Variants in ZNF875 observed in about 807,000 individuals in gnomAD.
The protein encoded by ZNF875 is zinc finger protein 875.
A neutral mutation model predicts 11.2 loss-of-function variants in ZNF875; 14 were observed. The ratio of observed to expected loss-of-function variants is 1.26; its 90% CI spans 0.83 to 1.96. The LOEUF is 1.96. ZNF875 is among the 30% of genes most tolerant of loss of function. The pLI is 0.00. For synonymous variants in ZNF875, 301 were observed against 281.1 expected, an observed-to-expected ratio of 1.07 and a Z score of -0.71; for missense variants, 752 against 760.4, an observed-to-expected ratio of 0.99 and a Z score of 0.13.
chr19:37,348,241 C>T (rs2037203492), intron 4 of ZNF875, among the ~76,000 whole-genome samples: 1 of 152,198 alleles, frequency 6.6e-6, no homozygotes, highest in Admixed American at 6.5e-5. Flanking sequence ...TTGATTAACT[C>T]CACCTCTCCA....
chr19:37,331,804 A>ACCCGT, upstream of ZNF875, among the ~76,000 whole-genome samples: 1 of 126,632 alleles, frequency 7.9e-6, no homozygotes, highest in Non-Finnish European at 1.8e-5. Context: ...CCAGCCCGAC[A>ACCCGT]CCCCCAGCCC....
chr19:37,318,965 C>A (rs113294184), intron 1 of ZNF875, among the ~76,000 whole-genome samples: 2 of 151,588 alleles, frequency 1.3e-5, no homozygotes, highest in African/African-American at 2.4e-5. Flanking sequence ...TTTTGGGGCA[C>A]GTATGTAGAG....
intron 2 of ZNF875, chr19:37,344,578 T>TA (rs2146203028): frequency 1.1e-6 from 1 of 941,594 alleles, no homozygotes; most frequent in Admixed American, 1.7e-5. Flanking sequence ...GCCTGTTGGT[T>TA]ACCATTCATT....
intron 4 of ZNF875, among the ~76,000 whole-genome samples, chr19:37,325,421 A>T (rs995377294): frequency 1.3e-5 from 2 of 152,242 alleles, no homozygotes; most frequent in African/African-American, 4.8e-5. Context: ...TAGATTTTCT[A>T]GTAGTCACTT....
chr19:37,314,639 A>G (rs933530776), upstream of ZNF875, among the ~76,000 whole-genome samples: 1 of 152,100 alleles, frequency 6.6e-6, no homozygotes, highest in Non-Finnish European at 1.5e-5. Flanking sequence ...ATTCTAGCCA[A>G]CATGGTGAAA....
intron 1 of ZNF875, among the ~76,000 whole-genome samples, chr19:37,321,654 A>T (rs1004930990): frequency 1.3e-5 from 2 of 152,132 alleles, no homozygotes; most frequent in Non-Finnish European, 2.9e-5. Context: ...AAACACCCTC[A>T]GGTGTGGAGG....
intron 2 of ZNF875, among the ~76,000 whole-genome samples, chr19:37,341,174 G>T (rs920505534): frequency 6.6e-6 from 1 of 152,140 alleles, no homozygotes; most frequent in African/African-American, 2.4e-5. Flanking sequence ...TAGTCACCAC[G>T]TATTTTTCAT....
At chr19:37,354,322 G>A (rs2038524735) in intron 4 of ZNF875, among the ~76,000 whole-genome samples, 1 of 133,888 alleles carries the variant, frequency 7.5e-6, no homozygotes, top group South Asian at 2.5e-4. Flanking sequence ...TCTCAGGCAA[G>A]AAAGCCACAA....
rs559231925 is a variant in ZNF875, at chr19:37,343,616, C to T, written c.34-3574C>T. On this transcript the variant is annotated intron_variant, in intron 2 of 4. Transcript: ENST00000392153. The stretch of plus-strand genomic sequence containing the variant: ...ATGTGGCCTCTTCAGCAGGCAAGCT[C>T]AGGTTATTCACATGGTGGTCTCAAG... 9.2e-5 allele frequency among the ~76,000 whole-genome samples: 14 copies of T among 152,188 alleles called. No homozygotes were observed. In the East Asian group the frequency reaches 2.1e-3, roughly 23 times the overall value.
At chr19:37,314,699 T>C (rs8107507), upstream of ZNF875, among the ~76,000 whole-genome samples, 98,303 of 146,686 alleles carry the variant, frequency 0.67, 33,530 homozygotes, top group African/African-American at 0.84. Flanking sequence ...TGCAGCGAGC[T>C]GAGATCGTGC....
chr19:37,322,005 G>C (rs948395605), intron 1 of ZNF875, among the ~76,000 whole-genome samples: 1 of 152,164 alleles, frequency 6.6e-6, no homozygotes, highest in Non-Finnish European at 1.5e-5. Flanking sequence ...AGACTCTCCC[G>C]TATGTTAGAA....
At chr19:37,313,666 C>T (rs1431807174), upstream of ZNF875, among the ~76,000 whole-genome samples, 3 of 152,142 alleles carry the variant, frequency 2.0e-5, no homozygotes, top group African/African-American at 7.2e-5. Context: ...ATGTATAGAA[C>T]CTCATCTCTT....
intron 4 of ZNF875, among the ~76,000 whole-genome samples, chr19:37,358,375 T>C (rs1057141006): frequency 1.3e-5 from 2 of 151,948 alleles, no homozygotes; most frequent in South Asian, 4.2e-4. Flanking sequence ...GACCTCGTGA[T>C]CCGCCCGCCT....
intron 4 of ZNF875, among the ~76,000 whole-genome samples, chr19:37,325,712 AT>A (rs545943558): frequency 7.1e-4 from 103 of 146,026 alleles, no homozygotes; most frequent in Non-Finnish European, 5.9e-4. Context: ...TGCCATGCTA[AT>A]TTTTTTTTTT....
In ZNF875 at chr19:37,362,199, T is replaced by C; in HGVS notation, c.347T>C (p.Leu116Pro). 1.2e-6 allele frequency: 2 copies of C among 1,614,056 alleles called. No homozygotes were observed. Among genetic ancestry groups the C allele is most frequent in the Non-Finnish European group, 1.7e-6 (2 of 1,179,998 alleles). The change falls in exon 5 of 5, where the codon CTC (leucine) becomes CCC (proline). Residue 116 changes from leucine to proline, a missense_variant. Leu to Pro is a moderately conservative substitution (Grantham distance 98, BLOSUM62 -3). Transcript: ENST00000392153. ...AGCCAACATGTGTGGCTGAGTCATC[T>C]CTCTCAGCTGTTTTCAAGTTTATGG... Reference protein sequence around the residue: ...ALSQHVWLSHLSQLFSSLWAG... With the variant: ...ALSQHVWLSHPSQLFSSLWAG...
At chr19:37,330,763 CAG>C (rs746575312), upstream of ZNF875, among the ~76,000 whole-genome samples, 5 of 152,156 alleles carry the variant, frequency 3.3e-5, no homozygotes, top group Non-Finnish European at 5.9e-5. Context: ...TCATTGGTGA[CAG>C]AGTAATTCCC....
rs1277458722 is a variant in ZNF875, at chr19:37,340,734, C to T, written c.33+5477C>T. On this transcript the variant is annotated intron_variant, in intron 2 of 4. Transcript: ENST00000392153. ...CACGATCTCAGCTCACTGCAAGCTCCGCCTCCTGGGTTCACGCCATTCTCC... is the reference window on the plus strand; with the variant it reads ...CACGATCTCAGCTCACTGCAAGCTCTGCCTCCTGGGTTCACGCCATTCTCC... 2.0e-5 allele frequency among the ~76,000 whole-genome samples: 3 copies of T among 148,876 alleles called. No homozygotes were observed. In the South Asian group the frequency reaches 6.4e-4, roughly 32 times the overall value.
At chr19:37,353,920 A>G (rs908509604) in intron 4 of ZNF875, among the ~76,000 whole-genome samples, 4 of 151,902 alleles carry the variant, frequency 2.6e-5, no homozygotes, top group Admixed American at 6.6e-5. Flanking sequence ...TTTATTTTCT[A>G]TTCACTGTGA....
rs1568667887 is a variant in ZNF875 at position 37,362,766 on chromosome 19, C to G, written c.914C>G (p.Ser305Ter). 6.2e-7 allele frequency: 1 copy of G among 1,613,834 alleles called. No homozygotes were observed. Among genetic ancestry groups the G allele is most frequent in the African/African-American group, 1.3e-5 (1 of 75,008 alleles). Reference protein sequence around the residue: ...SNLITHQRTHSGEKPYVCKDC... With the variant: ...SNLITHQRTH ...CTGATCACACATCAGAGGACACACTCAGGGGAGAAACCTTATGTGTGCAAG... is the reference window on the plus strand; with the variant it reads ...CTGATCACACATCAGAGGACACACTGAGGGGAGAAACCTTATGTGTGCAAG... Residue 305 changes from serine to a stop codon, truncating the protein, a stop_gained, in exon 5 of 5, where the codon TCA becomes TGA. Transcript: ENST00000392153. LOFTEE classifies it low-confidence loss of function (END_TRUNC).
Sources: allele counts gnomAD v4.1 joint callset (sites outside exome capture counted in the v4.1 genomes callset), GRCh38; gene constraint gnomAD v4.1.1; transcripts MANE v1.5; gene names NCBI Gene and HGNC (gene_info 2026-07-23, HGNC 2026-07-21).